CACNA1S: variants seen among roughly 807,000 people sequenced by gnomAD.
The protein encoded by CACNA1S is voltage-dependent L-type calcium channel subunit alpha-1S.
In CACNA1S, 126 loss-of-function variants were observed where a neutral mutation model predicts 207.4. The observed-to-expected ratio is 0.61, with a 90% confidence interval of 0.53 to 0.70. The LOEUF is 0.70. Among genes scored for constraint, CACNA1S ranks in the 30% least tolerant of loss-of-function variants. CACNA1S has a pLI of 0.00. For missense variants in CACNA1S, 2,349 were observed against 2,422.8 expected (o/e 0.97, Z 0.64); for synonymous variants, 960 against 932.7 (o/e 1.03, Z -0.53).
In CACNA1S at chr1:201,048,578, T is replaced by C. The variant is rs1489753755; in HGVS notation, c.4441+4A>G. The C allele has an allele frequency of 6.2e-7, 1 of 1,606,784 alleles. No individual in the cohort carries two copies. The highest frequency in any genetic ancestry group is 2.2e-5 in the East Asian group (1 of 44,836). ...AGGGGGCTCACATTGGAAGGCACTCTCACCTTCCGTCTTGATCTTGAGTGC... is the reference window on the plus strand; with the variant it reads ...AGGGGGCTCACATTGGAAGGCACTCCCACCTTCCGTCTTGATCTTGAGTGC... On this transcript the variant is annotated splice_donor_region_variant and intron_variant, in intron 36 of 43. Coordinates refer to ENST00000362061, the MANE Select transcript of CACNA1S (RefSeq NM_000069.3).
At chr1:201,092,873 CA>C (rs1662289464) in intron 3 of CACNA1S, among the ~76,000 whole-genome samples, 1 of 152,338 alleles carries the variant, frequency 6.6e-6, no homozygotes, top group Admixed American at 6.5e-5. Context: ...TGAAGGACAG[CA>C]TACTGGTTGA....
At chr1:201,068,745 G>T (rs543518641) in intron 19 of CACNA1S, among the ~76,000 whole-genome samples, 1 of 152,100 alleles carries the variant, frequency 6.6e-6, no homozygotes, top group East Asian at 2.0e-4. Flanking sequence ...GGTGGCAGAC[G>T]CCTGTAATCC....
intron 38 of CACNA1S, 36 bp downstream of exon 38, chr1:201,047,079 G>A (rs1660494982): frequency 6.2e-7 from 1 of 1,613,950 alleles, no homozygotes; most frequent in Non-Finnish European, 8.5e-7. Context: ...TGGCTCAGTG[G>A]GGGAGCCCCT....
intron 7 of CACNA1S, among the ~76,000 whole-genome samples, chr1:201,086,513 A>G (rs955087054): frequency 6.6e-6 from 1 of 152,212 alleles, no homozygotes; most frequent in African/African-American, 2.4e-5. Context: ...TATTGCTCCT[A>G]GCCTACAAAC....
In CACNA1S at chr1:201,110,103, G is replaced by C. The variant is rs968257919; in HGVS notation, c.258+61C>G. 2.1e-6 allele frequency: 3 copies of C among 1,451,240 alleles called. No homozygotes were observed. In the Admixed American group the frequency reaches 5.0e-5, roughly 24 times the overall value. 89.9% of individuals were successfully genotyped at this position (1,451,240 alleles called of 1,614,324 possible). On this transcript the variant is annotated intron_variant, in intron 2 of 43. Transcript: ENST00000362061. Reference sequence around the variant, plus strand: ...TCCCCCAGAACAGAGTCCACCAAGGGGGCCTCCCCAAGCCTGGGGCTGCAG... The same window carrying C: ...TCCCCCAGAACAGAGTCCACCAAGGCGGCCTCCCCAAGCCTGGGGCTGCAG...
intron 2 of CACNA1S, among the ~76,000 whole-genome samples, chr1:201,107,201 A>G (rs1230735024): frequency 6.6e-6 from 1 of 152,262 alleles, no homozygotes; most frequent in Non-Finnish European, 1.5e-5. Flanking sequence ...TACTTTGACC[A>G]CAGAGCATTC....
intron 2 of CACNA1S, among the ~76,000 whole-genome samples, chr1:201,109,066 G>C (rs1402538469): frequency 1.3e-5 from 2 of 152,116 alleles, no homozygotes; most frequent in African/African-American, 4.8e-5. Context: ...TGGCCAACAT[G>C]GCGAAACCCC....
At chr1:201,097,091 C>T (rs576322665) in intron 2 of CACNA1S, among the ~76,000 whole-genome samples, 2 of 152,152 alleles carry the variant, frequency 1.3e-5, no homozygotes, top group African/African-American at 2.4e-5. Context: ...CTCCCCGGGT[C>T]CCAGTGTCCA....
At chr1:201,065,084 C>A (rs1661193303) in intron 22 of CACNA1S, among the ~76,000 whole-genome samples, 1 of 152,182 alleles carries the variant, frequency 6.6e-6, no homozygotes, top group African/African-American at 2.4e-5. Context: ...AAGGAAAAGC[C>A]ACGTGGGGTA....
chr1:201,068,696 C>A (rs1424816036), intron 19 of CACNA1S, among the ~76,000 whole-genome samples: 1 of 151,814 alleles, frequency 6.6e-6, no homozygotes, highest in African/African-American at 2.4e-5. Flanking sequence ...CATGGTGAAA[C>A]CCTGTCTCTG....
rs138245131 is a variant in CACNA1S at position 201,091,973 on chromosome 1, A to G, written c.540T>C (p.Pro180=). 110 of 1,614,068 alleles carry G rather than the reference A, an allele frequency of 6.8e-5. No individual in the cohort carries two copies. The African/African-American group carries it at 1.2e-3, about 17-fold the overall frequency. ...LRPLRLVSGV[P]SLQVVLNSIF... ...GTCTGCAGGGACACTGCCACCCACT[A>G]GGCACCCCCGACACCAGCCGGAGGG... Residue 180 remains proline (P), a splice_region_variant and synonymous_variant, in exon 4 of 44, where the codon CCT becomes CCC. Transcript: ENST00000362061.
intron 7 of CACNA1S, among the ~76,000 whole-genome samples, chr1:201,087,080 T>C (rs1662059735): frequency 6.6e-6 from 1 of 152,226 alleles, no homozygotes; most frequent in African/African-American, 2.4e-5. Context: ...TTCTAGCCTC[T>C]CTGCTGTGCT....
chr1:201,041,455 C>T lies in CACNA1S; in HGVS notation c.5134+49G>A, dbSNP rs182023144. ...TAAGAAAAGAGTGGGGCTTCCCGGA[C>T]TCCTCTGGGAGAAGACTCAAGCTTC... On this transcript the variant is annotated intron_variant, in intron 41 of 43. Coordinates refer to ENST00000362061, the MANE Select transcript of CACNA1S (RefSeq NM_000069.3). The T allele has an allele frequency of 4.3e-5, 62 of 1,437,888 alleles. 1 individual carries two copies. In the Admixed American group the frequency reaches 9.6e-4, roughly 22 times the overall value. 89.1% of individuals were successfully genotyped at this position (1,437,888 alleles called of 1,614,324 possible).
chr1:201,042,222 C>T (rs1229628184), intron 40 of CACNA1S, among the ~76,000 whole-genome samples: 1 of 152,240 alleles, frequency 6.6e-6, no homozygotes, highest in African/African-American at 2.4e-5. Context: ...GCAACCTCCA[C>T]TTCTTGAGTT....
intron 2 of CACNA1S, among the ~76,000 whole-genome samples, chr1:201,102,525 C>T (rs1001505502): frequency 6.6e-5 from 10 of 152,172 alleles, no homozygotes; most frequent in Admixed American, 3.9e-4. Context: ...CCAACTCCTC[C>T]GTGTTGCCCA....
Position 201,083,299 on chromosome 1 carries a change from C to T in CACNA1S, c.1256G>A (p.Arg419His), listed in dbSNP as rs370861322. The stretch of plus-strand genomic sequence containing the variant: ...GTCATGGCACTTCCAGCGAAAGATG[C>T]GGTTCCACTGCCTCCAATGTCGGCT... The part of the protein sequence containing the change: ...QFIRHWRQWN[R>H]IFRWKCHDIV... Residue 419 changes from arginine (R) to histidine (H), a missense_variant, in exon 10 of 44, where the codon CGC becomes CAC. By Grantham distance (29) the Arg-to-His change is conservative. Coordinates refer to ENST00000362061, the MANE Select transcript of CACNA1S (RefSeq NM_000069.3). The T allele has an allele frequency of 5.4e-5, 87 of 1,614,058 alleles. 1 individual carries two copies. Among genetic ancestry groups the T allele is most frequent in the African/African-American group, 1.6e-4 (12 of 74,920 alleles).
chr1:201,065,895 C>A lies in CACNA1S; in HGVS notation c.2796G>T (p.Val932=). 6.2e-7 allele frequency: 1 copy of A among 1,614,158 alleles called. No homozygotes were observed. The change falls in exon 22 of 44, where the codon GTG becomes GTT. Residue 932 remains valine, a synonymous_variant. Transcript: ENST00000362061. Reference sequence around the variant, plus strand: ...TGAACTGTAGGAGGGTAGTGACCAGCACGATGTTCCCGATGGTGCTGATGG... The same window carrying A: ...TGAACTGTAGGAGGGTAGTGACCAGAACGATGTTCCCGATGGTGCTGATGG... ...FVAISTIGNI[V]LVTTLLQFMF...
chr1:201,072,839 AC>A lies in CACNA1S; in HGVS notation c.2158-16del. 1 of 1,606,094 alleles carries A rather than the reference AC, an allele frequency of 6.2e-7. No homozygotes were observed. Among genetic ancestry groups the A allele is most frequent in the Non-Finnish European group, 8.5e-7 (1 of 1,172,672 alleles). The stretch of plus-strand genomic sequence containing the variant: ...TCGATTTTCAGCTGTAGGAAGGAAC[AC>A]AATGACTATAACAATGAAAAAGAAG... On this transcript the variant is annotated splice_polypyrimidine_tract_variant and intron_variant, in intron 15 of 43. Transcript: ENST00000362061.
intron 2 of CACNA1S, among the ~76,000 whole-genome samples, chr1:201,095,440 T>G (rs1047584613): frequency 2.0e-4 from 30 of 152,098 alleles, no homozygotes; most frequent in African/African-American, 6.5e-4. Flanking sequence ...TGGAAGATAA[T>G]TTATTTTTAC....
Sources: gnomAD v4.1 joint callset for allele counts (sites outside exome capture counted in the v4.1 genomes callset) on GRCh38, gnomAD v4.1.1 for gene constraint, MANE v1.5 for transcripts, NCBI Gene and HGNC (gene_info 2026-07-23, HGNC 2026-07-21) for gene names.